Variants in BOP1 observed in about 807,000 individuals in gnomAD.
The protein encoded by BOP1 is ribosome biogenesis protein BOP1.
Under a neutral mutation model 82.9 loss-of-function variants are expected in BOP1, and 54 were observed. The ratio of observed to expected loss-of-function variants is 0.65; its 90% CI spans 0.52 to 0.82. The LOEUF (loss-of-function observed/expected upper bound fraction) is 0.82. Among genes scored for constraint, BOP1 ranks in the 40% least tolerant of loss-of-function variants. BOP1 has a pLI of 0.00. For synonymous variants in BOP1, 566 were observed against 451.1 expected (o/e 1.25, Z -3.23); for missense variants, 1,170 against 1,072.0 (o/e 1.09, Z -1.28).
chr8:144,281,596 T>G (rs1166400773), intron 2 of BOP1: 1 of 147,452 alleles, frequency 6.8e-6, no homozygotes, highest in African/African-American at 2.6e-5. Flanking sequence ...TGGCCTTCTC[T>G]CACTTTAATA....
intron 2 of BOP1, among the ~76,000 whole-genome samples, chr8:144,282,175 C>T (rs57540079): frequency 1.1e-4 from 17 of 152,338 alleles, no homozygotes; most frequent in African/African-American, 3.4e-4. Context: ...AGGCACAGGC[C>T]GGCAGGAGGC....
In BOP1 at chr8:144,262,866, C is replaced by T. The variant is rs1024171271; in HGVS notation, c.1881G>A (p.Ala627=). ...MPNCKWVSSL[A]VHPAGDNVIC... ...CCCACCCCTCACCTGCAGGGTGCAC[C>T]GCCAGGCTGGACACCCACTTGCAGT... The change falls in exon 13 of 16, where the codon GCG becomes GCA. Residue 627 remains alanine, a synonymous_variant. Coordinates refer to ENST00000569669, the MANE Select transcript of BOP1 (RefSeq NM_015201.5). 2.9e-5 allele frequency: 39 copies of T among 1,352,526 alleles called. No homozygotes were observed. In the Middle Eastern group the frequency reaches 8.7e-4, roughly 30 times the overall value. The allele number at this position is 1,352,526 out of a possible 1,614,324, so 83.8% of individuals were successfully genotyped here. A position where few individuals can be genotyped will look rare whatever the true frequency, so the allele number is the denominator to read the frequency against.
Position 144,268,166 on chromosome 8 carries a change from GGCAGAC to G in BOP1, c.391-3101_391-3096del, listed in dbSNP as rs1488340238. The G allele has an allele frequency of 1.9e-6, 3 of 1,548,978 alleles. No individual in the cohort carries two copies. In the African/African-American group the frequency reaches 4.1e-5, roughly 21 times the overall value. On this transcript the variant is annotated intron_variant, in intron 3 of 15. Transcript: ENST00000569669. ...AGGAGGTGGCCGGCAGCAGCCAGGAGGCAGACGCTGCTGGGGGAGGTGGACGCCCGG... is the reference window on the plus strand; with the variant it reads ...AGGAGGTGGCCGGCAGCAGCCAGGAGGCTGCTGGGGGAGGTGGACGCCCGG...
Position 144,263,767 on chromosome 8 carries a change from G to A in BOP1, c.1222-6C>T, listed in dbSNP as rs1395209566. 10 of 1,587,468 alleles carry A rather than the reference G, an allele frequency of 6.3e-6. No homozygotes were observed. The East Asian group carries it at 1.1e-4, about 18-fold the overall frequency. Reference sequence around the variant, plus strand: ...TCACTGTGGCCCCTGTAGACCTGAGGAGGCGGCGGCAGTGAGGAGTCAGAC... The same window carrying A: ...TCACTGTGGCCCCTGTAGACCTGAGAAGGCGGCGGCAGTGAGGAGTCAGAC... On this transcript the variant is annotated splice_polypyrimidine_tract_variant and splice_region_variant and intron_variant, in intron 9 of 15. Coordinates refer to ENST00000569669, the MANE Select transcript of BOP1 (RefSeq NM_015201.5).
chr8:144,270,616 C>T (rs1845477390), intron 3 of BOP1, among the ~76,000 whole-genome samples: 1 of 152,136 alleles, frequency 6.6e-6, no homozygotes, highest in Non-Finnish European at 1.5e-5. Flanking sequence ...ACTCCGTCAC[C>T]CTCCACTGCT....
chr8:144,279,574 C>T (rs1252554604), intron 2 of BOP1, among the ~76,000 whole-genome samples: 1 of 152,180 alleles, frequency 6.6e-6, no homozygotes, highest in Non-Finnish European at 1.5e-5. Flanking sequence ...CTGGGGAGCG[C>T]TGGGGGAAGA....
At chr8:144,276,201 G>A (rs892760393) in intron 3 of BOP1, 23 bp downstream of exon 3, 8 of 1,612,010 alleles carry the variant, frequency 5.0e-6, no homozygotes, top group African/African-American at 2.7e-5. Flanking sequence ...ACCCTGCCCA[G>A]TGGGAAGCAG....
chr8:144,264,515 C>T lies in BOP1; in HGVS notation c.765G>A (p.Lys255=). ...AAGCCCCAGGGGCTGTGTGCCCCAC[C>T]TTCTCCTTCTCCACCAGGGAGGGGA... is the stretch of plus-strand genomic sequence containing the variant. ...SFIPSLVEKE[K]VSRMVHAIKM... Residue 255 remains lysine (K), a splice_region_variant and synonymous_variant, in exon 6 of 16, where the codon AAG becomes AAA. Coordinates refer to ENST00000569669, the MANE Select transcript of BOP1 (RefSeq NM_015201.5). 1 of 1,609,636 alleles carries T rather than the reference C, an allele frequency of 6.2e-7. No individual in the cohort carries two copies. Among genetic ancestry groups the T allele is most frequent in the Non-Finnish European group, 8.5e-7 (1 of 1,178,866 alleles).
chr8:144,280,830 T>TGA (rs1320062290), intron 2 of BOP1, among the ~76,000 whole-genome samples: 1 of 151,868 alleles, frequency 6.6e-6, no homozygotes, highest in Non-Finnish European at 1.5e-5. Context: ...CCAGCCCGGG[T>TGA]GACAGACAGA....
At chr8:144,268,284 G>A (rs986845184) in intron 3 of BOP1, 1 of 1,264,666 alleles carries the variant, frequency 7.9e-7, no homozygotes, top group Admixed American at 2.2e-5. Flanking sequence ...GCTGCGAGCG[G>A]GGCCGAGGGA....
At chr8:144,268,222 T>C in intron 3 of BOP1, 1 of 1,541,098 alleles carries the variant, frequency 6.5e-7, no homozygotes, top group South Asian at 1.2e-5. Flanking sequence ...GCCCCCACCT[T>C]GGACCTGAGC....
intron 3 of BOP1, among the ~76,000 whole-genome samples, chr8:144,275,189 G>A (rs1478284805): frequency 6.6e-6 from 1 of 152,072 alleles, no homozygotes; most frequent in African/African-American, 2.4e-5. Flanking sequence ...CTTCAGGAAG[G>A]CCCTACACCA....
At chr8:144,287,154 C>A (rs1246631476) in intron 2 of BOP1, among the ~76,000 whole-genome samples, 1 of 152,092 alleles carries the variant, frequency 6.6e-6, no homozygotes, top group Non-Finnish European at 1.5e-5. Context: ...GGATTACAGG[C>A]ACGCGCCACC....
At chr8:144,267,554 G>A (rs940999563) in intron 3 of BOP1, among the ~76,000 whole-genome samples, 1 of 152,274 alleles carries the variant, frequency 6.6e-6, no homozygotes, top group Non-Finnish European at 1.5e-5. Context: ...GTAAGAGGCT[G>A]CAAGGCAAGA....
At chr8:144,266,532 C>G in intron 3 of BOP1, 1 of 992,500 alleles carries the variant, frequency 1.0e-6, no homozygotes, top group Non-Finnish European at 1.2e-6. Flanking sequence ...CTCGCCCCGG[C>G]CGGCCCGCGA....
intron 2 of BOP1, chr8:144,281,872 A>C (rs1045759638): frequency 4.6e-5 from 7 of 151,914 alleles, no homozygotes; most frequent in Non-Finnish European, 7.3e-5. Context: ...GGCTCACCGC[A>C]TCCAGTCTTT....
At chr8:144,280,351 C>T (rs1473476817) in intron 2 of BOP1, among the ~76,000 whole-genome samples, 3 of 152,262 alleles carry the variant, frequency 2.0e-5, no homozygotes, top group Non-Finnish European at 4.4e-5. Context: ...CCAGACTCCA[C>T]AGAGCTGCAG....
At position 144,291,194 on chromosome 8, in the gene BOP1, C is replaced by T; in HGVS notation, c.99+78G>A. ...GGGCGCCCAGGTGACAGAAGCCGGGCCCACCCGCCCCAGCGCGGCCACGTG... is the reference window on the plus strand; with the variant it reads ...GGGCGCCCAGGTGACAGAAGCCGGGTCCACCCGCCCCAGCGCGGCCACGTG... On this transcript the variant is annotated intron_variant, in intron 1 of 15. Transcript: ENST00000569669. This position sits in a 1 kb window ranked among gnomAD's most constrained non-coding sequence, Gnocchi z 4.1. 3 of 1,261,372 alleles carry T rather than the reference C, an allele frequency of 2.4e-6. No homozygotes were observed. Among genetic ancestry groups the T allele is most frequent in the Non-Finnish European group, 3.0e-6 (3 of 989,276 alleles). The allele number at this position is 1,261,372 out of a possible 1,614,324, so 78.1% of individuals were successfully genotyped here. A position where few individuals can be genotyped will look rare whatever the true frequency, so the allele number is the denominator to read the frequency against.
chr8:144,262,447 G>A lies in BOP1; in HGVS notation c.2036C>T (p.Ala679Val), dbSNP rs1334146033. The change falls in exon 15 of 16, where the codon GCG becomes GTG. Residue 679 changes from alanine to valine, a missense_variant. By Grantham distance (64) the Ala-to-Val change is moderately conservative (BLOSUM62 0). Transcript: ENST00000569669. ...VAFHPRYPLFASGSDDGSVIV... is the reference protein window; with the variant it reads ...VAFHPRYPLFVSGSDDGSVIV... ...GACACTGCCGTCGTCCGAGCCTGAC[G>A]CAAAGAGTGGGTACCGCGGGTGGAA... 1.5e-5 allele frequency: 24 copies of A among 1,612,830 alleles called. No homozygotes were observed. In the East Asian group the frequency reaches 4.5e-4, roughly 30 times the overall value.
Sources: allele counts gnomAD v4.1 joint callset (sites outside exome capture counted in the v4.1 genomes callset), GRCh38; gene constraint gnomAD v4.1.1; non-coding constraint Gnocchi (gnomAD v3.1); transcripts MANE v1.5; gene names NCBI Gene and HGNC (gene_info 2026-07-23, HGNC 2026-07-21).